PCDHA5: variants seen among roughly 807,000 people sequenced by gnomAD.
The protein encoded by PCDHA5 is protocadherin alpha 5.
PCDHA5 carries 43 observed loss-of-function variants against 61.6 expected under a neutral mutation model. The observed-to-expected ratio is 0.70, with a 90% CI of 0.55 to 0.90. PCDHA5 has a LOEUF of 0.90. Ranked by LOEUF, PCDHA5 falls within the 40% of genes least tolerant of loss-of-function variation. The probability of loss-of-function intolerance (pLI) is 0.00; values close to 1 mark genes in which losing one functional copy is unlikely to be tolerated. For synonymous variants in PCDHA5, 627 were observed against 543.9 expected (o/e 1.15, Z -2.13); for missense variants, 1,298 against 1,222.7 (o/e 1.06, Z -0.92).
At chr5:140,835,655 G>A (rs1554135164) in intron 1 of PCDHA5, 2 of 1,613,800 alleles carry the variant, frequency 1.2e-6, no homozygotes, top group Non-Finnish European at 8.5e-7. Context: ...ATGAGCTGGT[G>A]GTTACCGCGC....
chr5:140,834,624 A>G (rs2150222938), intron 1 of PCDHA5: 1 of 1,614,104 alleles, frequency 6.2e-7, no homozygotes, highest in East Asian at 2.2e-5. Context: ...AAATCTGCAG[A>G]ATGGCATTTT....
chr5:140,992,400 T>C (rs1019164556), intron 3 of PCDHA5, among the ~76,000 whole-genome samples: 1 of 152,124 alleles, frequency 6.6e-6, no homozygotes, highest in Admixed American at 6.5e-5. Context: ...CTTAGAGATA[T>C]TGTTCTGCCC....
intron 3 of PCDHA5, among the ~76,000 whole-genome samples, chr5:140,990,514 T>C (rs1437267512): frequency 1.3e-5 from 2 of 152,204 alleles, no homozygotes; most frequent in Non-Finnish European, 1.5e-5. Context: ...TCTTCTCTCT[T>C]GTCTTTTTTG....
chr5:140,869,553 G>A (rs1554163226), intron 1 of PCDHA5: 1 of 1,614,056 alleles, frequency 6.2e-7, no homozygotes, highest in African/African-American at 1.3e-5. Flanking sequence ...AATCGGACTC[G>A]CGTTTTCCAC....
intron 1 of PCDHA5, chr5:140,848,806 T>G (rs2150421063): frequency 1.3e-6 from 2 of 1,591,932 alleles, no homozygotes; most frequent in African/African-American, 2.7e-5. Flanking sequence ...GAGTGCAGCA[T>G]CCACCTGGAG....
intron 3 of PCDHA5, among the ~76,000 whole-genome samples, chr5:141,001,099 C>A (rs1554258004): frequency 6.6e-6 from 1 of 151,694 alleles, no homozygotes; most frequent in African/African-American, 2.4e-5. Context: ...CTGTCTAATC[C>A]ATAATAAGCA....
At chr5:140,851,005 T>C in intron 1 of PCDHA5, 1 of 1,432,862 alleles carries the variant, frequency 7.0e-7, no homozygotes, top group Non-Finnish European at 9.2e-7. Flanking sequence ...ATCCAGCAGA[T>C]TTTTTTTCTG....
intron 1 of PCDHA5, chr5:140,842,572 A>G (rs3733705): frequency 3.9e-6 from 6 of 1,538,104 alleles, no homozygotes; most frequent in South Asian, 1.1e-5. Flanking sequence ...ACCGCGAGAG[A>G]GTGTCGGCCT....
At chr5:140,853,560 A>G in intron 1 of PCDHA5, 1 of 981,448 alleles carries the variant, frequency 1.0e-6, no homozygotes, top group Non-Finnish European at 1.2e-6. Flanking sequence ...ATATAGGAAA[A>G]ACTAAGTTGT....
intron 1 of PCDHA5, among the ~76,000 whole-genome samples, chr5:140,941,304 C>T (rs1477431460): frequency 4.7e-5 from 4 of 84,830 alleles, no homozygotes; most frequent in African/African-American, 8.5e-5. Flanking sequence ...TTCTTTCTTT[C>T]TTTTTCTTCT....
At chr5:140,860,192 C>CATATATATATATATATATATATATAT (rs143984774) in intron 1 of PCDHA5, 76 of 146,806 alleles carry the variant, frequency 5.2e-4, no homozygotes, top group Middle Eastern at 3.6e-3. Flanking sequence ...GCTCTCCTTA[C>CATATATATATATATATATATATATAT]ATATATATCT....
At chr5:140,961,252 C>T (rs1185090498) in intron 1 of PCDHA5, among the ~76,000 whole-genome samples, 1 of 152,158 alleles carries the variant, frequency 6.6e-6, no homozygotes, top group African/African-American at 2.4e-5. Context: ...TTATCCGAAG[C>T]TCCAGGAAGC....
intron 1 of PCDHA5, among the ~76,000 whole-genome samples, chr5:140,945,046 A>G (rs2093731107): frequency 2.0e-5 from 3 of 152,190 alleles, no homozygotes; most frequent in Non-Finnish European, 2.9e-5. Flanking sequence ...TTGGTCTTAT[A>G]TAAAGAAAAC....
intron 1 of PCDHA5, among the ~76,000 whole-genome samples, chr5:140,947,710 A>G (rs2094165762): frequency 6.6e-6 from 1 of 151,556 alleles, no homozygotes; most frequent in African/African-American, 2.4e-5. Context: ...TTAAGTATTG[A>G]GGTTTCAAAA....
At chr5:140,943,529 A>T (rs1291911076) in intron 1 of PCDHA5, among the ~76,000 whole-genome samples, 1 of 152,220 alleles carries the variant, frequency 6.6e-6, no homozygotes, top group Non-Finnish European at 1.5e-5. Context: ...TCAGTATGCA[A>T]AATGTCATGT....
At chr5:140,845,938 G>T (rs1554141077) in intron 1 of PCDHA5, among the ~76,000 whole-genome samples, 1 of 149,608 alleles carries the variant, frequency 6.7e-6, no homozygotes, top group South Asian at 2.1e-4. Flanking sequence ...ACTATCTTCT[G>T]TAAAGTCATT....
At chr5:140,888,843 G>T (rs2153425504) in intron 1 of PCDHA5, among the ~76,000 whole-genome samples, 1 of 152,082 alleles carries the variant, frequency 6.6e-6, no homozygotes, top group East Asian at 1.9e-4. Context: ...ACTGCAGCCT[G>T]GTGACAGAGT....
intron 3 of PCDHA5, among the ~76,000 whole-genome samples, chr5:140,996,315 G>A (rs2097722113): frequency 6.6e-6 from 1 of 152,188 alleles, no homozygotes; most frequent in African/African-American, 2.4e-5. Flanking sequence ...AGTAAGGGGG[G>A]AGGGTAGAGA....
At chr5:140,877,376 G>C in intron 1 of PCDHA5, 1 of 1,614,014 alleles carries the variant, frequency 6.2e-7, no homozygotes, top group South Asian at 1.1e-5. Flanking sequence ...AGCACGACAC[G>C]CATCCTGGAT....
Sources: gnomAD v4.1 joint callset for allele counts (sites outside exome capture counted in the v4.1 genomes callset) on GRCh38, gnomAD v4.1.1 for gene constraint, MANE v1.5 for transcripts, NCBI Gene and HGNC (gene_info 2026-07-23, HGNC 2026-07-21) for gene names.